Variants in ACMSD observed in about 807,000 individuals in gnomAD.
ACMSD encodes the protein aminocarboxymuconate semialdehyde decarboxylase.
Under a neutral mutation model 45.9 loss-of-function variants are expected in ACMSD, and 37 were observed. The ratio of observed to expected loss-of-function variants is 0.81; its 90% CI spans 0.62 to 1.06. The LOEUF is 1.06. Among genes scored for constraint, ACMSD ranks in the 50% least tolerant of loss-of-function variants. The pLI, the probability that ACMSD is intolerant of heterozygous loss-of-function variation, is 0.00. For synonymous variants in ACMSD, 138 were observed against 148.8 expected (o/e 0.93, Z 0.53); for missense variants, 434 against 420.9 (o/e 1.03, Z -0.27).
chr2:134,854,499 T>C (rs1559043625), intron 2 of ACMSD, among the ~76,000 whole-genome samples: 2 of 152,338 alleles, frequency 1.3e-5, no homozygotes, highest in Admixed American at 6.5e-5. Context: ...GGCTGGAGAC[T>C]AGAAGCTTTG....
chr2:134,844,816 A>G (rs889307287), intron 1 of ACMSD, among the ~76,000 whole-genome samples: 1 of 152,050 alleles, frequency 6.6e-6, no homozygotes, highest in African/African-American at 2.4e-5. Context: ...GTCCCTATCC[A>G]CTAAACTGAT....
intron 8 of ACMSD, among the ~76,000 whole-genome samples, chr2:134,897,918 GTTTT>G (rs1048132495): frequency 7.3e-6 from 1 of 137,204 alleles, no homozygotes. Flanking sequence ...CGAGTTATTT[GTTTT>G]TTATGTTTCC....
At chr2:134,848,387 C>A (rs1573620691) in intron 2 of ACMSD, among the ~76,000 whole-genome samples, 1 of 152,130 alleles carries the variant, frequency 6.6e-6, no homozygotes, top group Non-Finnish European at 1.5e-5. Context: ...CTAACTTACA[C>A]CCCCACCAAC....
chr2:134,894,848 C>A (rs1690003301), intron 8 of ACMSD, among the ~76,000 whole-genome samples: 1 of 152,042 alleles, frequency 6.6e-6, no homozygotes, highest in Non-Finnish European at 1.5e-5. Context: ...CCTAAAGAAT[C>A]CACAAAGAAA....
At chr2:134,856,022 C>A (rs1337963144) in intron 2 of ACMSD, among the ~76,000 whole-genome samples, 2 of 152,158 alleles carry the variant, frequency 1.3e-5, no homozygotes, top group African/African-American at 4.8e-5. Context: ...AGGTGGTGTG[C>A]CCTCAAAGCA....
At chr2:134,863,327 G>C in intron 4 of ACMSD, 68 bp from the exon 5 acceptor site, 3 of 1,444,350 alleles carry the variant, frequency 2.1e-6, no homozygotes, top group Non-Finnish European at 2.9e-6. Flanking sequence ...AGGAGGCACT[G>C]TTCAGAGTGA....
chr2:134,840,741 C>T (rs937457528), intron 1 of ACMSD, among the ~76,000 whole-genome samples: 1 of 39,164 alleles, frequency 2.6e-5, no homozygotes, highest in Non-Finnish European at 4.4e-5. Flanking sequence ...AACCAGGTTT[C>T]TTCTTCTTTT....
At chr2:134,895,735 C>A (rs1156884495) in intron 8 of ACMSD, among the ~76,000 whole-genome samples, 1 of 152,148 alleles carries the variant, frequency 6.6e-6, no homozygotes. Context: ...ATGGCGTGTG[C>A]CTGTAATTTC....
In ACMSD at chr2:134,863,412, T is replaced by C. The variant is rs752238527; in HGVS notation, c.267T>C (p.Thr89=). The change falls in exon 5 of 10, where the codon ACT becomes ACC. Residue 89 remains threonine, a synonymous_variant. Transcript: ENST00000356140. ...TCCACCAGGCCAAACCTGAGGACAC[T>C]TTAAACCTGTGCCAGCTTTTAAACA... The part of the protein sequence containing the change: ...MFSYWAKPED[T]LNLCQLLNND... 15 of 1,614,086 alleles carry C rather than the reference T, an allele frequency of 9.3e-6. No homozygotes were observed. Among genetic ancestry groups the C allele is most frequent in the Non-Finnish European group, 1.2e-5 (14 of 1,180,038 alleles).
chr2:134,871,248 A>G (rs993799623), intron 7 of ACMSD, among the ~76,000 whole-genome samples, 188 bp downstream of exon 7: 1 of 152,172 alleles, frequency 6.6e-6, no homozygotes, highest in Admixed American at 6.6e-5. Flanking sequence ...CCTTCCTCAC[A>G]TGGCCTTTGG....
chr2:134,861,886 T>G, intron 3 of ACMSD, 83 bp from the exon 4 acceptor site: 1 of 1,491,456 alleles, frequency 6.7e-7, no homozygotes, highest in Non-Finnish European at 9.4e-7. Context: ...GGTGGAGGCT[T>G]GCTGCCGCTT....
At chr2:134,899,313 G>A (rs1282170371) in intron 9 of ACMSD, among the ~76,000 whole-genome samples, 3 of 151,958 alleles carry the variant, frequency 2.0e-5, no homozygotes, top group Non-Finnish European at 4.4e-5. Flanking sequence ...TCATTCTTCA[G>A]TATACTAGTT....
intron 8 of ACMSD, among the ~76,000 whole-genome samples, chr2:134,885,300 T>C (rs1291038015): frequency 1.2e-5 from 1 of 82,204 alleles, no homozygotes; most frequent in Non-Finnish European, 2.1e-5. Flanking sequence ...TTTATATATA[T>C]ATTTAAATAT....
chr2:134,849,590 C>G (rs1382675931), intron 2 of ACMSD, among the ~76,000 whole-genome samples: 2 of 152,106 alleles, frequency 1.3e-5, no homozygotes, highest in Non-Finnish European at 2.9e-5. Flanking sequence ...CTGGAGATAC[C>G]TGTTCTCTCA....
At chr2:134,851,247 T>C (rs1687329313) in intron 2 of ACMSD, among the ~76,000 whole-genome samples, 1 of 152,240 alleles carries the variant, frequency 6.6e-6, no homozygotes, top group East Asian at 1.9e-4. Context: ...TCTTTGCCAT[T>C]GTGAATAGTG....
At chr2:134,885,359 T>TATATATAATATATATGTAA (rs1454413123) in intron 8 of ACMSD, among the ~76,000 whole-genome samples, 1 of 108,932 alleles carries the variant, frequency 9.2e-6, no homozygotes, top group Admixed American at 1.4e-4. Context: ...AATATATATT[T>TATATATAATATATATGTAA]ACATATATAT....
chr2:134,871,811 T>C (rs1288628984), intron 7 of ACMSD, among the ~76,000 whole-genome samples: 1 of 152,136 alleles, frequency 6.6e-6, no homozygotes, highest in Non-Finnish European at 1.5e-5. Flanking sequence ...TCATCATTTT[T>C]TATGGTGTCA....
chr2:134,860,346 G>A (rs1466044336), intron 3 of ACMSD, among the ~76,000 whole-genome samples: 3 of 152,208 alleles, frequency 2.0e-5, no homozygotes, highest in Non-Finnish European at 4.4e-5. Flanking sequence ...CTGCCTGGTT[G>A]ACTGTGCCAC....
At chr2:134,849,589 C>A (rs1019259497) in intron 2 of ACMSD, among the ~76,000 whole-genome samples, 3 of 152,166 alleles carry the variant, frequency 2.0e-5, no homozygotes, top group Non-Finnish European at 2.9e-5. Flanking sequence ...CCTGGAGATA[C>A]CTGTTCTCTC....
Sources: gnomAD v4.1 joint callset for allele counts (sites outside exome capture counted in the v4.1 genomes callset) on GRCh38, gnomAD v4.1.1 for gene constraint, MANE v1.5 for transcripts, NCBI Gene and HGNC (gene_info 2026-07-23, HGNC 2026-07-21) for gene names.